The following TRAPPC10 variants were observed in gnomAD, a reference collection of about 807,000 sequenced individuals.
TRAPPC10 encodes the protein TRAPP 130 kDa subunit.
In TRAPPC10, 23 loss-of-function variants were observed where a neutral mutation model predicts 125.5. The observed-to-expected ratio is 0.18, with a 90% CI of 0.13 to 0.26. TRAPPC10 has a LOEUF of 0.26. Among genes scored for constraint, TRAPPC10 ranks in the 10% least tolerant of loss-of-function variants. TRAPPC10 has a pLI of 1.00. For missense variants in TRAPPC10, 1,123 were observed against 1,308.4 expected, an observed-to-expected ratio of 0.86 and a Z score of 2.19; for synonymous variants, 509 against 518.0, an observed-to-expected ratio of 0.98 and a Z score of 0.24.
At chr21:44,065,637 C>A (rs376214949) in intron 7 of TRAPPC10, among the ~76,000 whole-genome samples, 1 of 152,222 alleles carries the variant, frequency 6.6e-6, no homozygotes, top group Non-Finnish European at 1.5e-5. Flanking sequence ...CCTGTTTCGT[C>A]ATCTTCTGAT....
chr21:44,047,532 ATG>A (rs33940679), intron 3 of TRAPPC10, among the ~76,000 whole-genome samples: 18,928 of 142,236 alleles, frequency 0.13, 1,256 homozygotes, highest in African/African-American at 0.18. Context: ...CTGGGGGAGT[ATG>A]TGTGTGTGTG....
chr21:44,041,542 A>G (rs991909471), intron 3 of TRAPPC10, among the ~76,000 whole-genome samples: 2 of 150,984 alleles, frequency 1.3e-5, no homozygotes, highest in African/African-American at 4.9e-5. Flanking sequence ...ACGCCCTGCT[A>G]ATTTTGTAGT....
chr21:44,030,631 T>C (rs1243695678), intron 1 of TRAPPC10, among the ~76,000 whole-genome samples: 1 of 152,074 alleles, frequency 6.6e-6, no homozygotes, highest in Non-Finnish European at 1.5e-5. Context: ...CACGCCCGGC[T>C]AATTTTGTAT....
At chr21:44,045,430 A>G (rs1015777455) in intron 3 of TRAPPC10, among the ~76,000 whole-genome samples, 1 of 151,928 alleles carries the variant, frequency 6.6e-6, no homozygotes, top group Non-Finnish European at 1.5e-5. Context: ...CTAGGTTGAC[A>G]ATTTTTTTTT....
intron 7 of TRAPPC10, among the ~76,000 whole-genome samples, chr21:44,071,705 G>GAAAT (rs1353225602): frequency 3.3e-5 from 5 of 152,230 alleles, no homozygotes; most frequent in African/African-American, 1.2e-4. Context: ...CATAAAAACT[G>GAAAT]AAATTTTAAA....
Position 44,059,703 on chromosome 21 carries a change from G to A in TRAPPC10, c.790+489G>A. On this transcript the variant is annotated intron_variant, in intron 6 of 22. Transcript: ENST00000291574. This position sits in a 1 kb window ranked among gnomAD's most constrained non-coding sequence, Gnocchi z 4.4. ...AATTAGCACAGTGAAACCATACACA[G>A]AGAGAAACATTGGTTATTGTCCTCA... 1 of 507,816 alleles carries A rather than the reference G, an allele frequency of 2.0e-6. No individual in the cohort carries two copies. The allele number at this position is 507,816 out of a possible 1,614,324, so 31.5% of individuals were successfully genotyped here. A position where few individuals can be genotyped will look rare whatever the true frequency, so the allele number is the denominator to read the frequency against.
chr21:44,065,033 G>A (rs1169858467), intron 7 of TRAPPC10, among the ~76,000 whole-genome samples: 3 of 152,166 alleles, frequency 2.0e-5, no homozygotes, highest in Non-Finnish European at 2.9e-5. Context: ...TCCTAGAGCC[G>A]GGCTCTCTGT....
chr21:44,079,080 C>T (rs184031498), intron 11 of TRAPPC10, among the ~76,000 whole-genome samples: 2 of 152,250 alleles, frequency 1.3e-5, no homozygotes, highest in African/African-American at 2.4e-5. Flanking sequence ...TGCTCCCTTC[C>T]GCTTGCGCCC....
chr21:44,029,031 G>A (rs1204511891), intron 1 of TRAPPC10, among the ~76,000 whole-genome samples: 2 of 152,208 alleles, frequency 1.3e-5, no homozygotes, highest in African/African-American at 4.8e-5. Context: ...ATTACCTACC[G>A]CGTGAGCCAA....
At chr21:44,031,058 C>T (rs551323612) in intron 1 of TRAPPC10, among the ~76,000 whole-genome samples, 4 of 152,244 alleles carry the variant, frequency 2.6e-5, no homozygotes, top group South Asian at 2.1e-4. Context: ...AGATGGGGAC[C>T]GGGCAGTGAG....
At chr21:44,040,487 G>C (rs993312113) in intron 3 of TRAPPC10, among the ~76,000 whole-genome samples, 4 of 151,966 alleles carry the variant, frequency 2.6e-5, no homozygotes, top group African/African-American at 9.7e-5. Context: ...GAGACCACAG[G>C]CATGCGCCCA....
chr21:44,061,509 C>T (rs186973775), intron 6 of TRAPPC10, among the ~76,000 whole-genome samples: 2 of 149,964 alleles, frequency 1.3e-5, no homozygotes, highest in Admixed American at 6.6e-5. Flanking sequence ...CCTCGTGATT[C>T]GCCCGCCTCA....
intron 7 of TRAPPC10, among the ~76,000 whole-genome samples, chr21:44,073,694 C>T (rs1009582440): frequency 5.3e-5 from 8 of 152,180 alleles, no homozygotes; most frequent in African/African-American, 1.9e-4. Flanking sequence ...CAAATACAGA[C>T]ATTGGGTTTC....
intron 1 of TRAPPC10, among the ~76,000 whole-genome samples, chr21:44,017,822 A>C (rs2032042769): frequency 6.6e-6 from 1 of 151,952 alleles, no homozygotes; most frequent in South Asian, 2.1e-4. Flanking sequence ...GATGTCATCG[A>C]AAGAAGTGGA....
chr21:44,032,266 T>C, intron 2 of TRAPPC10, 94 bp downstream of exon 2: 2 of 1,014,992 alleles, frequency 2.0e-6, no homozygotes, highest in Non-Finnish European at 1.5e-6. Flanking sequence ...TAGACATTTA[T>C]GTGAACAAGT....
Position 44,063,496 on chromosome 21 carries a change from A to T in TRAPPC10, c.791-42A>T. ...CTGAGCAGGAAGCTCAGGAAGGTGA[A>T]GTACCTGCAATCAGCACCTTTCATG... On this transcript the variant is annotated intron_variant, in intron 6 of 22. Coordinates refer to ENST00000291574, the MANE Select transcript of TRAPPC10 (RefSeq NM_003274.5). The surrounding 1 kb of genome is among the most constrained non-coding windows in gnomAD (Gnocchi z 4.4). The T allele has an allele frequency of 6.3e-7, 1 of 1,593,022 alleles. No individual in the cohort carries two copies. The highest frequency in any genetic ancestry group is 1.1e-5 in the South Asian group (1 of 88,822).
intron 1 of TRAPPC10, among the ~76,000 whole-genome samples, chr21:44,018,732 A>C (rs1160700160): frequency 6.6e-6 from 1 of 151,856 alleles, no homozygotes. Context: ...TAACACATGA[A>C]CCAGTCTTTC....
At chr21:44,079,962 C>G (rs1039806877) in intron 12 of TRAPPC10, 53 bp from the exon 13 acceptor site, 4 of 1,501,614 alleles carry the variant, frequency 2.7e-6, no homozygotes, top group African/African-American at 2.8e-5. Flanking sequence ...CATCCACTTC[C>G]CCCCGCACTC....
At chr21:44,095,548 T>G (rs556492937) in intron 20 of TRAPPC10, among the ~76,000 whole-genome samples, 51 of 146,550 alleles carry the variant, frequency 3.5e-4, no homozygotes, top group Admixed American at 1.1e-3. Flanking sequence ...AAAGTATGGG[T>G]TTTTTTTTGT....
Sources: allele counts gnomAD v4.1 joint callset (sites outside exome capture counted in the v4.1 genomes callset), GRCh38; gene constraint gnomAD v4.1.1; non-coding constraint Gnocchi (gnomAD v3.1); transcripts MANE v1.5; gene names NCBI Gene and HGNC (gene_info 2026-07-23, HGNC 2026-07-21).